ZNF475: variants seen among roughly 807,000 people sequenced by gnomAD.
The protein encoded by ZNF475 is zinc finger protein 475.
the ZNF475 span, chr5:122,179,431 A>T: frequency 2.2e-6 from 1 of 464,600 alleles, no homozygotes; most frequent in Non-Finnish European, 3.8e-6. Flanking sequence ...GTAGTGGTTT[A>T]TAGCTCTCCT....
At chr5:122,175,791 A>G in the ZNF475 span, among the ~76,000 whole-genome samples, 296 of 152,104 alleles carry the variant, frequency 1.9e-3, no homozygotes, top group African/African-American at 6.6e-3. Context: ...TAATTATCCT[A>G]TTTTATTGTG....
chr5:122,180,250 A>G, the ZNF475 span, among the ~76,000 whole-genome samples: 1 of 152,336 alleles, frequency 6.6e-6, no homozygotes, highest in African/African-American at 2.4e-5. Flanking sequence ...GGTAAGGACT[A>G]TGATGCGCTG....
the ZNF475 span, among the ~76,000 whole-genome samples, chr5:122,164,936 C>G: frequency 6.6e-6 from 1 of 151,966 alleles, no homozygotes; most frequent in African/African-American, 2.4e-5. Context: ...TTGGACAAAG[C>G]TAAAAAATGT....
chr5:122,177,643 T>C, the ZNF475 span, among the ~76,000 whole-genome samples: 6,933 of 152,210 alleles, frequency 0.046, 270 homozygotes, highest in South Asian at 0.12. Flanking sequence ...GTCACCAGGC[T>C]AGTGGGGATT....
the ZNF475 span, among the ~76,000 whole-genome samples, chr5:122,180,435 G>A: frequency 6.6e-6 from 1 of 152,184 alleles, no homozygotes; most frequent in Non-Finnish European, 1.5e-5. Context: ...TGTAAAGCAT[G>A]GTGCAAACCA....
chr5:122,176,149 G>C, the ZNF475 span, among the ~76,000 whole-genome samples: 1 of 152,102 alleles, frequency 6.6e-6, no homozygotes, highest in Non-Finnish European at 1.5e-5. Flanking sequence ...TGCATGCCCT[G>C]TTTCTTTAAC....
the ZNF475 span, chr5:122,179,778 C>G: frequency 7.7e-7 from 1 of 1,292,936 alleles, no homozygotes; most frequent in East Asian, 2.7e-5. Flanking sequence ...AGACTTTTCT[C>G]TCTAAACTAA....
chr5:122,179,621 T>C, the ZNF475 span: 3 of 1,534,236 alleles, frequency 2.0e-6, no homozygotes, highest in South Asian at 1.2e-5. Flanking sequence ...CAAAATCTAT[T>C]AGCATTCATG....
At chr5:122,179,803 TTC>T in the ZNF475 span, 11 of 1,143,352 alleles carry the variant, frequency 9.6e-6, no homozygotes, top group Non-Finnish European at 1.2e-5. Context: ...AGCAGAAGTA[TTC>T]TTTTTTCACT....
the ZNF475 span, among the ~76,000 whole-genome samples, chr5:122,177,252 G>A: frequency 6.6e-5 from 10 of 152,196 alleles, no homozygotes; most frequent in African/African-American, 1.9e-4. Flanking sequence ...ATCAAAAAAG[G>A]CAAAGAATCA....
chr5:122,164,455 C>T, the ZNF475 span, among the ~76,000 whole-genome samples: 1 of 152,158 alleles, frequency 6.6e-6, no homozygotes, highest in Non-Finnish European at 1.5e-5. Flanking sequence ...TTGGGTAGAC[C>T]AGGTGAGATG....
the ZNF475 span, among the ~76,000 whole-genome samples, chr5:122,161,376 C>G: frequency 1.3e-5 from 2 of 152,012 alleles, no homozygotes; most frequent in African/African-American, 4.8e-5. Context: ...AAAGGTATCA[C>G]TGGTCCCATG....
chr5:122,182,571 T>C, the ZNF475 span: 1 of 1,535,636 alleles, frequency 6.5e-7, no homozygotes, highest in African/African-American at 1.4e-5. Flanking sequence ...CTGTAATGTT[T>C]GTGGGCGTAC....
At chr5:122,163,250 G>A in the ZNF475 span, 1 of 152,174 alleles carries the variant, frequency 6.6e-6, no homozygotes, top group Admixed American at 6.5e-5. Flanking sequence ...TTATAAAATA[G>A]GGGCATTGAG....
the ZNF475 span, among the ~76,000 whole-genome samples, chr5:122,178,271 T>G: frequency 6.6e-6 from 1 of 152,168 alleles, no homozygotes; most frequent in Non-Finnish European, 1.5e-5. Flanking sequence ...GTAATGGGAT[T>G]GCTGGGTCAA....
At chr5:122,170,221 G>C in the ZNF475 span, among the ~76,000 whole-genome samples, 3 of 152,236 alleles carry the variant, frequency 2.0e-5, no homozygotes, top group East Asian at 3.9e-4. Context: ...GCAACAACCA[G>C]TTCTCTAGTT....
At chr5:122,182,311 A>G in the ZNF475 span, among the ~76,000 whole-genome samples, 168 of 152,336 alleles carry the variant, frequency 1.1e-3, no homozygotes, top group African/African-American at 3.8e-3. Context: ...TTTGGAGGCA[A>G]AAGTAATATG....
At chr5:122,178,950 A>G in the ZNF475 span, among the ~76,000 whole-genome samples, 6 of 152,190 alleles carry the variant, frequency 3.9e-5, no homozygotes, top group African/African-American at 1.4e-4. Context: ...AGTTTTTTGC[A>G]TATGGCTAGC....
the ZNF475 span, chr5:122,179,722 C>G: frequency 1.3e-6 from 2 of 1,511,174 alleles, no homozygotes; most frequent in African/African-American, 2.8e-5. Context: ...GAAGTCAGGA[C>G]CATTACTGGT....
Sources: allele counts gnomAD v4.1 joint callset (sites outside exome capture counted in the v4.1 genomes callset), GRCh38; gene constraint gnomAD v4.1.1; transcripts MANE v1.5; gene names NCBI Gene and HGNC (gene_info 2026-07-23, HGNC 2026-07-21).